Variants in GPR141 observed in about 807,000 individuals in gnomAD.
The protein encoded by GPR141 is probable G protein-coupled receptor 141.
A neutral mutation model predicts 6.8 loss-of-function variants in GPR141; 6 were observed. That is an observed-to-expected ratio of 0.88 (90% confidence interval 0.48 to 1.74). The LOEUF is 1.74. Ranked by LOEUF, GPR141 falls within the 40% of genes most tolerant of loss-of-function variation. The pLI is 0.01. For missense variants in GPR141, 372 were observed against 372.9 expected (o/e 1.00, Z 0.02); for synonymous variants, 140 against 142.3 (o/e 0.98, Z 0.11).
intron 2 of GPR141, among the ~76,000 whole-genome samples, chr7:37,731,225 A>T (rs1811913629): frequency 6.6e-6 from 1 of 152,232 alleles, no homozygotes; most frequent in South Asian, 2.1e-4. Flanking sequence ...TTGATCCTGC[A>T]TACTCATCTC....
At chr7:37,713,791 G>T (rs1583549057) in intron 2 of GPR141, among the ~76,000 whole-genome samples, 2 of 152,108 alleles carry the variant, frequency 1.3e-5, no homozygotes, top group African/African-American at 4.8e-5. Flanking sequence ...TGTAATTTTA[G>T]TTGCCACATA....
intron 2 of GPR141, among the ~76,000 whole-genome samples, chr7:37,686,963 C>G (rs924192825): frequency 3.3e-5 from 5 of 152,064 alleles, no homozygotes; most frequent in African/African-American, 1.2e-4. Context: ...GCATCTGAGC[C>G]CCTCGTGTCC....
At chr7:37,720,680 G>A (rs1372228612) in intron 2 of GPR141, among the ~76,000 whole-genome samples, 3 of 150,500 alleles carry the variant, frequency 2.0e-5, no homozygotes, top group African/African-American at 7.4e-5. Context: ...GGCGGAGCTT[G>A]CAGTGAGCTG....
At chr7:37,686,967 C>T (rs369467980) in intron 2 of GPR141, among the ~76,000 whole-genome samples, 23 of 152,250 alleles carry the variant, frequency 1.5e-4, no homozygotes, top group South Asian at 6.2e-4. Flanking sequence ...CTGAGCCCCT[C>T]GTGTCCTGAG....
chr7:37,705,173 A>G (rs964754660), intron 2 of GPR141, among the ~76,000 whole-genome samples: 3 of 152,220 alleles, frequency 2.0e-5, no homozygotes, highest in Non-Finnish European at 2.9e-5. Flanking sequence ...AAAACATTCT[A>G]TTAAAGCTCT....
At chr7:37,697,446 T>G (rs1453206559) in intron 2 of GPR141, among the ~76,000 whole-genome samples, 1 of 152,194 alleles carries the variant, frequency 6.6e-6, no homozygotes, top group Non-Finnish European at 1.5e-5. Flanking sequence ...TAAAGCCTTA[T>G]AATACAAATG....
At chr7:37,718,056 G>A (rs187360470) in intron 2 of GPR141, among the ~76,000 whole-genome samples, 12 of 151,800 alleles carry the variant, frequency 7.9e-5, no homozygotes, top group African/African-American at 2.9e-4. Context: ...GTGATTAGAA[G>A]CCCTAAATTC....
intron 2 of GPR141, among the ~76,000 whole-genome samples, chr7:37,709,248 CAATA>C (rs1810679103): frequency 6.6e-6 from 1 of 152,158 alleles, no homozygotes; most frequent in Admixed American, 6.5e-5. Context: ...CAGTTACTTC[CAATA>C]AATAAATATA....
At chr7:37,685,077 CA>C (rs1249849597) in intron 1 of GPR141, 1 of 152,134 alleles carries the variant, frequency 6.6e-6, no homozygotes. Flanking sequence ...CTTACATAAC[CA>C]TTTAAAACTA....
At position 37,740,843 on chromosome 7, in the gene GPR141, G is replaced by T. The variant is rs1362798458; in HGVS notation, c.450G>T (p.Leu150=). ...WTLVIVIVVP[L]VVSRYGIHEE... Reference sequence around the variant, plus strand: ...TGGTGATTGTCATTGTGGTACCCCTGGTTGTCTCCCGGTATGGAATCCATG... The same window carrying T: ...TGGTGATTGTCATTGTGGTACCCCTTGTTGTCTCCCGGTATGGAATCCATG... Residue 150 remains leucine, a synonymous_variant, in exon 3 of 3, where the codon CTG becomes CTT. Coordinates refer to ENST00000334425, the MANE Select transcript of GPR141 (RefSeq NM_001381946.1). 1 of 1,614,114 alleles carries T rather than the reference G, an allele frequency of 6.2e-7. No individual in the cohort carries two copies. Among genetic ancestry groups the T allele is most frequent in the Admixed American group, 1.7e-5 (1 of 60,016 alleles).
intron 2 of GPR141, among the ~76,000 whole-genome samples, chr7:37,698,108 G>A (rs1006650755): frequency 2.0e-5 from 3 of 152,134 alleles, no homozygotes; most frequent in Non-Finnish European, 2.9e-5. Context: ...AAACCGTGAT[G>A]ATTCTCTCTG....
intron 2 of GPR141, among the ~76,000 whole-genome samples, chr7:37,688,350 T>G (rs1367208750): frequency 6.6e-6 from 1 of 152,018 alleles, no homozygotes; most frequent in Non-Finnish European, 1.5e-5. Context: ...GAGAATCACT[T>G]AAACCCAGGA....
intron 2 of GPR141, among the ~76,000 whole-genome samples, chr7:37,709,499 A>G (rs1296515604): frequency 6.6e-6 from 1 of 152,190 alleles, no homozygotes; most frequent in South Asian, 2.1e-4. Context: ...TTACCACCCC[A>G]AAGAGCATGA....
chr7:37,687,364 C>T (rs1809557245), intron 2 of GPR141, among the ~76,000 whole-genome samples: 1 of 152,048 alleles, frequency 6.6e-6, no homozygotes, highest in Non-Finnish European at 1.5e-5. Context: ...TGGTGTCATG[C>T]CTGAGACATC....
At chr7:37,710,305 G>A (rs1810732125) in intron 2 of GPR141, among the ~76,000 whole-genome samples, 1 of 152,034 alleles carries the variant, frequency 6.6e-6, no homozygotes, top group Non-Finnish European at 1.5e-5. Flanking sequence ...TAAACCCCAT[G>A]TACCCATTAC....
intron 2 of GPR141, among the ~76,000 whole-genome samples, chr7:37,738,972 C>T (rs1812397514): frequency 6.6e-6 from 1 of 152,140 alleles, no homozygotes; most frequent in Admixed American, 6.6e-5. Context: ...TGTCTCTCCC[C>T]ACTTAATGAA....
At chr7:37,712,153 C>T (rs979261282) in intron 2 of GPR141, among the ~76,000 whole-genome samples, 2 of 152,168 alleles carry the variant, frequency 1.3e-5, no homozygotes, top group African/African-American at 4.8e-5. Context: ...GAGACAGAAT[C>T]TGCTCTAGAG....
chr7:37,703,899 G>A (rs913580756), intron 2 of GPR141, among the ~76,000 whole-genome samples: 8 of 151,732 alleles, frequency 5.3e-5, no homozygotes, highest in Admixed American at 3.3e-4. Context: ...TACAACTTTC[G>A]AAAAGTAATT....
Position 37,740,878 on chromosome 7 carries a change from A to G in GPR141, c.485A>G (p.Asn162Ser), listed in dbSNP as rs1249174846. 1.1e-5 allele frequency: 17 copies of G among 1,613,992 alleles called. No individual in the cohort carries two copies. Among genetic ancestry groups the G allele is most frequent in the Non-Finnish European group, 1.4e-5 (16 of 1,179,944 alleles). The change falls in exon 3 of 3, where the codon AAT becomes AGT. Residue 162 changes from asparagine (N) to serine (S), a missense_variant. Transcript: ENST00000334425. ...CGGTATGGAATCCATGAGGAATACAATGAGGAGCACTGTTTTAAATTTCAC... is the reference window on the plus strand; with the variant it reads ...CGGTATGGAATCCATGAGGAATACAGTGAGGAGCACTGTTTTAAATTTCAC... ...VSRYGIHEEY[N>S]EEHCFKFHKE...
Sources: allele counts gnomAD v4.1 joint callset (sites outside exome capture counted in the v4.1 genomes callset), GRCh38; gene constraint gnomAD v4.1.1; transcripts MANE v1.5; gene names NCBI Gene and HGNC (gene_info 2026-07-23, HGNC 2026-07-21).